The following CORO2B variants were observed in gnomAD, a reference collection of about 807,000 sequenced individuals.
The protein encoded by CORO2B is coronin-2B.
Under a neutral mutation model 58.8 loss-of-function variants are expected in CORO2B, and 26 were observed. That is an observed-to-expected ratio of 0.44 (90% CI 0.32 to 0.61). CORO2B has a LOEUF of 0.61. Among genes scored for constraint, CORO2B ranks in the 20% least tolerant of loss-of-function variants. The pLI is 0.04. For synonymous variants in CORO2B, 242 were observed against 253.8 expected (o/e 0.95, Z 0.44); for missense variants, 460 against 645.1 (o/e 0.71, Z 3.11).
At chr15:68,601,532 G>C (rs946850207) in intron 1 of CORO2B, among the ~76,000 whole-genome samples, 17 of 152,232 alleles carry the variant, frequency 1.1e-4, no homozygotes, top group African/African-American at 3.9e-4. Flanking sequence ...CTAGGATGAG[G>C]GTGCCTGTGG....
chr15:68,593,459 C>T (rs1338692225), intron 1 of CORO2B, among the ~76,000 whole-genome samples: 2 of 152,202 alleles, frequency 1.3e-5, no homozygotes, highest in Non-Finnish European at 2.9e-5. Context: ...CTTCCATTCT[C>T]TAGCAGCCAG....
chr15:68,685,142 G>T (rs1402027260), intron 2 of CORO2B, among the ~76,000 whole-genome samples: 2 of 152,152 alleles, frequency 1.3e-5, no homozygotes, highest in Non-Finnish European at 2.9e-5. Flanking sequence ...CACCTAATGT[G>T]ACTTCTGTCT....
At chr15:68,700,270 C>T (rs1892609421) in intron 3 of CORO2B, among the ~76,000 whole-genome samples, 1 of 152,166 alleles carries the variant, frequency 6.6e-6, no homozygotes, top group Admixed American at 6.5e-5. Flanking sequence ...CTGGGGACGG[C>T]GCCAGGCCAC....
At chr15:68,652,537 A>G (rs1901675322) in intron 2 of CORO2B, among the ~76,000 whole-genome samples, 1 of 152,122 alleles carries the variant, frequency 6.6e-6, no homozygotes, top group Admixed American at 6.5e-5. Context: ...GCAGAAAGAG[A>G]AGAAACCCGG....
intron 1 of CORO2B, among the ~76,000 whole-genome samples, chr15:68,599,038 T>A (rs1899909718): frequency 6.6e-6 from 1 of 152,114 alleles, no homozygotes; most frequent in Admixed American, 6.5e-5. Context: ...CCCAAACCAC[T>A]TGGCTGGGCA....
At chr15:68,716,847 G>A (rs1460802823) in intron 8 of CORO2B, among the ~76,000 whole-genome samples, 1 of 150,988 alleles carries the variant, frequency 6.6e-6, no homozygotes, top group Non-Finnish European at 1.5e-5. Flanking sequence ...GGAGATGGGG[G>A]GAGGATGTTA....
chr15:68,579,446 G>A (rs1000210774), intron 1 of CORO2B, among the ~76,000 whole-genome samples, 169 bp downstream of exon 1: 6 of 152,008 alleles, frequency 3.9e-5, no homozygotes, highest in Non-Finnish European at 7.4e-5. Flanking sequence ...CGGCCCCCAA[G>A]GACTGCGGAG....
At chr15:68,617,136 G>A (rs1213186889) in intron 1 of CORO2B, among the ~76,000 whole-genome samples, 2 of 151,912 alleles carry the variant, frequency 1.3e-5, no homozygotes, top group African/African-American at 4.8e-5. Context: ...CTTCAAGCCC[G>A]TGCTTTCCAA....
At chr15:68,579,965 T>G (rs890972980) in intron 1 of CORO2B, among the ~76,000 whole-genome samples, 3 of 152,218 alleles carry the variant, frequency 2.0e-5, no homozygotes, top group Non-Finnish European at 4.4e-5. Flanking sequence ...CTTCAGGGGC[T>G]TCCTAGTTGT....
chr15:68,714,028 C>T lies in CORO2B; in HGVS notation c.752C>T (p.Ala251Val), dbSNP rs755804205. The change falls in exon 6 of 12, where the codon GCC (alanine) becomes GTC (valine). Residue 251 changes from alanine to valine, a missense_variant. Around this residue, in one of 2 missense-constraint regions of CORO2B, gnomAD observed 352 missense variants for 543.0 expected, o/e 0.65. Coordinates refer to ENST00000261861, the MANE Select transcript of CORO2B (RefSeq NM_006091.5). ...GVSRWNTRQI[A>V]LWDQEDLSMP... The stretch of plus-strand genomic sequence containing the variant: ...TCCAGGTGGAACACAAGACAGATTG[C>T]CCTCTGGGACCAGGTCAGCCACGGG... 1 of 1,612,306 alleles carries T rather than the reference C, an allele frequency of 6.2e-7. No homozygotes were observed. The highest frequency in any genetic ancestry group is 2.2e-5 in the East Asian group (1 of 44,834).
intron 3 of CORO2B, among the ~76,000 whole-genome samples, chr15:68,696,249 CAAAA>C (rs77017896): frequency 9.7e-6 from 1 of 102,646 alleles, no homozygotes; most frequent in Admixed American, 1.1e-4. Context: ...GCCACTGTCT[CAAAA>C]AAAAAAAAAA....
At chr15:68,538,770 G>GAGA in the CORO2B span, among the ~76,000 whole-genome samples, 144,256 of 152,138 alleles carry the variant, frequency 0.95, 68,485 homozygotes, top group East Asian at 1. Context: ...CCTACTGGGA[G>GAGA]AGAAGAGGAT....
At chr15:68,603,184 G>A (rs1040564140) in intron 1 of CORO2B, among the ~76,000 whole-genome samples, 1 of 152,112 alleles carries the variant, frequency 6.6e-6, no homozygotes, top group Non-Finnish European at 1.5e-5. Context: ...TGTCTTACAC[G>A]CCATGGAAGT....
chr15:68,531,466 C>T, the CORO2B span, among the ~76,000 whole-genome samples: 1 of 150,028 alleles, frequency 6.7e-6, no homozygotes, highest in African/African-American at 2.5e-5. Context: ...CGCTGCACTC[C>T]AGCCTGGGCA....
chr15:68,689,177 G>A (rs552134740), intron 2 of CORO2B, among the ~76,000 whole-genome samples: 65 of 152,096 alleles, frequency 4.3e-4, no homozygotes, highest in Middle Eastern at 3.4e-3. Flanking sequence ...ACAAGAACAG[G>A]GTGAAGATCT....
At chr15:68,531,500 A>AAAGGAAGGAAGGAAGG in the CORO2B span, among the ~76,000 whole-genome samples, 1 of 113,784 alleles carries the variant, frequency 8.8e-6, no homozygotes, top group African/African-American at 3.7e-5. Context: ...GTATCTCAAA[A>AAAGGAAGGAAGGAAGG]AAGGAAGGAA....
At chr15:68,708,875 C>T (rs1208772264) in intron 3 of CORO2B, among the ~76,000 whole-genome samples, 1 of 152,142 alleles carries the variant, frequency 6.6e-6, no homozygotes, top group East Asian at 1.9e-4. Flanking sequence ...GAGGCGGAGT[C>T]TCACTATGTT....
chr15:68,666,472 G>GC (rs968494345), intron 2 of CORO2B, among the ~76,000 whole-genome samples: 1 of 152,198 alleles, frequency 6.6e-6, no homozygotes, highest in Non-Finnish European at 1.5e-5. Flanking sequence ...TGGGTGAGTG[G>GC]CCTTCCAGGA....
the CORO2B span, among the ~76,000 whole-genome samples, chr15:68,546,007 C>A: frequency 2.0e-5 from 3 of 152,200 alleles, 1 homozygote; most frequent in African/African-American, 7.2e-5. Flanking sequence ...CTCTGCCCTC[C>A]CCCTTTTGCC....
Sources: allele counts gnomAD v4.1 joint callset (sites outside exome capture counted in the v4.1 genomes callset), GRCh38; gene constraint gnomAD v4.1.1; regional missense constraint gnomAD v4.1.1; transcripts MANE v1.5; gene names NCBI Gene and HGNC (gene_info 2026-07-23, HGNC 2026-07-21).